DRC10: variants seen among roughly 807,000 people sequenced by gnomAD.
DRC10 encodes the protein IQ domain-containing protein D.
the DRC10 span, among the ~76,000 whole-genome samples, chr12:113,217,135 C>T: frequency 2.0e-5 from 3 of 152,074 alleles, no homozygotes; most frequent in Non-Finnish European, 4.4e-5. Context: ...GTCCTGCTCT[C>T]AGGCACTAAT....
At chr12:113,209,023 C>A in the DRC10 span, among the ~76,000 whole-genome samples, 1 of 152,220 alleles carries the variant, frequency 6.6e-6, no homozygotes, top group Non-Finnish European at 1.5e-5. Context: ...CCTCTGCCTC[C>A]TGGGTTCAAG....
chr12:113,195,841 G>C, the DRC10 span: 1 of 1,613,498 alleles, frequency 6.2e-7, no homozygotes, highest in East Asian at 2.2e-5. Flanking sequence ...AGCTCCTCCA[G>C]CGAGATCTTC....
the DRC10 span, among the ~76,000 whole-genome samples, chr12:113,203,676 A>G: frequency 6.7e-6 from 1 of 149,846 alleles, no homozygotes; most frequent in African/African-American, 2.5e-5. Context: ...GGGTTTCACC[A>G]TGTTGGTCAG....
At chr12:113,204,564 T>G in the DRC10 span, among the ~76,000 whole-genome samples, 2 of 152,262 alleles carry the variant, frequency 1.3e-5, no homozygotes, top group East Asian at 3.8e-4. Flanking sequence ...AAAGCTGAGT[T>G]GAGTAATTGC....
the DRC10 span, among the ~76,000 whole-genome samples, chr12:113,211,166 C>T: frequency 5.3e-5 from 8 of 152,170 alleles, no homozygotes; most frequent in African/African-American, 1.2e-4. Context: ...ACTGCAACCT[C>T]GACTTCCTGG....
At chr12:113,207,574 A>G in the DRC10 span, 1 of 1,614,174 alleles carries the variant, frequency 6.2e-7, no homozygotes, top group Non-Finnish European at 8.5e-7. Context: ...ACTAGTGAGT[A>G]GTTTTTCAAA....
At chr12:113,198,774 TTTATG>T in the DRC10 span, among the ~76,000 whole-genome samples, 24 of 152,290 alleles carry the variant, frequency 1.6e-4, no homozygotes, top group Admixed American at 1.4e-3. Context: ...TTAAAATGGT[TTTATG>T]TTATGTAAGT....
At chr12:113,220,667 C>T in the DRC10 span, among the ~76,000 whole-genome samples, 7 of 152,086 alleles carry the variant, frequency 4.6e-5, no homozygotes, top group Non-Finnish European at 1.0e-4. Context: ...TGGGAGGGGA[C>T]TTATAAACTC....
the DRC10 span, among the ~76,000 whole-genome samples, chr12:113,199,387 C>A: frequency 1.3e-5 from 2 of 151,074 alleles, no homozygotes; most frequent in African/African-American, 2.4e-5. Flanking sequence ...CAGAGTGAGA[C>A]CCTGTCTCAA....
chr12:113,207,734 T>G, the DRC10 span: 1 of 1,614,156 alleles, frequency 6.2e-7, no homozygotes, highest in Non-Finnish European at 8.5e-7. Flanking sequence ...ATCTGCTGCA[T>G]AAGTGGTGAG....
chr12:113,195,540 G>T, the DRC10 span: 2 of 1,536,060 alleles, frequency 1.3e-6, no homozygotes, highest in Non-Finnish European at 1.8e-6. Flanking sequence ...TGGTCTCTGG[G>T]AAGATAAGGG....
the DRC10 span, chr12:113,208,084 T>TTAGATGGGTCTG: frequency 6.2e-7 from 1 of 1,614,250 alleles, no homozygotes; most frequent in Non-Finnish European, 8.5e-7. Context: ...AGCTGGCCTT[T>TTAGATGGGTCTG]TAGATGGGTC....
At chr12:113,211,114 C>G in the DRC10 span, among the ~76,000 whole-genome samples, 1 of 152,222 alleles carries the variant, frequency 6.6e-6, no homozygotes, top group South Asian at 2.1e-4. Flanking sequence ...GGTGTCTTGG[C>G]CTTCCCATTA....
the DRC10 span, among the ~76,000 whole-genome samples, chr12:113,213,176 TAAAAAAA>T: frequency 3.1e-5 from 2 of 63,572 alleles, no homozygotes; most frequent in Non-Finnish European, 5.9e-5. Flanking sequence ...CAGAGGGTGC[TAAAAAAA>T]AAAAAAAAAA....
the DRC10 span, chr12:113,206,152 G>T: frequency 6.7e-6 from 1 of 150,056 alleles, no homozygotes; most frequent in Non-Finnish European, 1.5e-5. Context: ...CCTGGAGGCG[G>T]AGCTTGCAGT....
chr12:113,207,952 A>C, the DRC10 span: 10 of 1,614,092 alleles, frequency 6.2e-6, no homozygotes, highest in Non-Finnish European at 8.5e-6. Flanking sequence ...GTTGGATGCC[A>C]CATACGACAG....
the DRC10 span, among the ~76,000 whole-genome samples, chr12:113,202,259 C>T: frequency 6.6e-6 from 1 of 152,226 alleles, no homozygotes; most frequent in Non-Finnish European, 1.5e-5. Flanking sequence ...GGAGCCAGAC[C>T]CCTCAAGACC....
chr12:113,203,755 C>T, the DRC10 span, among the ~76,000 whole-genome samples: 1 of 149,394 alleles, frequency 6.7e-6, no homozygotes, highest in South Asian at 2.1e-4. Context: ...GGATTACAGG[C>T]ATGAGCCACT....
At chr12:113,195,555 G>T in the DRC10 span, 1 of 1,565,546 alleles carries the variant, frequency 6.4e-7, no homozygotes, top group Non-Finnish European at 8.7e-7. Flanking sequence ...TAAGGGTCAG[G>T]AGCGGGCTGG....
Sources: allele counts gnomAD v4.1 joint callset (sites outside exome capture counted in the v4.1 genomes callset), GRCh38; gene constraint gnomAD v4.1.1; transcripts MANE v1.5; gene names NCBI Gene and HGNC (gene_info 2026-07-23, HGNC 2026-07-21).